CNTNAP2: variants seen among roughly 807,000 people sequenced by gnomAD.
CNTNAP2 encodes the protein contactin-associated protein-like 2.
In CNTNAP2, 98 loss-of-function variants were observed where a neutral mutation model predicts 155.2. That is an observed-to-expected ratio of 0.63 (90% CI 0.54 to 0.75). The LOEUF is 0.75. Among genes scored for constraint, CNTNAP2 ranks in the 30% least tolerant of loss-of-function variants. The pLI is 0.00. For synonymous variants in CNTNAP2, 651 were observed against 631.2 expected, an observed-to-expected ratio of 1.03 and a Z score of -0.47; for missense variants, 1,727 against 1,688.1, an observed-to-expected ratio of 1.02 and a Z score of -0.40.
chr7:148,118,102 TG>T lies in CNTNAP2; in HGVS notation c.2384-15del, dbSNP rs765768845. ...AGGGTGTGAGTTAACCTGATTTTTT[TG>T]TTTTCTTCCCACAGGGAATTATTGG... On this transcript the variant is annotated splice_polypyrimidine_tract_variant and intron_variant, in intron 15 of 23. Transcript: ENST00000361727. The T allele has an allele frequency of 1.1e-5, 17 of 1,613,768 alleles. No homozygotes were observed. Among genetic ancestry groups the T allele is most frequent in the Non-Finnish European group, 8.5e-7 (1 of 1,180,022 alleles).
At chr7:147,118,346 G>A (rs1261059298) in intron 5 of CNTNAP2, among the ~76,000 whole-genome samples, 5 of 152,162 alleles carry the variant, frequency 3.3e-5, no homozygotes, top group African/African-American at 1.2e-4. Flanking sequence ...GTCCAAATAT[G>A]TAATTTGCAA....
At chr7:147,896,455 T>C (rs541485405) in intron 13 of CNTNAP2, among the ~76,000 whole-genome samples, 1 of 152,274 alleles carries the variant, frequency 6.6e-6, no homozygotes, top group South Asian at 2.1e-4. Flanking sequence ...GTTTTATTAT[T>C]ACTCAAATCA....
At chr7:146,498,304 C>G (rs956443760) in intron 1 of CNTNAP2, among the ~76,000 whole-genome samples, 1 of 152,132 alleles carries the variant, frequency 6.6e-6, no homozygotes, top group African/African-American at 2.4e-5. Flanking sequence ...CCTCCTTGGC[C>G]ATCTTCAATT....
intron 8 of CNTNAP2, among the ~76,000 whole-genome samples, chr7:147,294,262 T>C (rs778221753): frequency 2.6e-5 from 4 of 152,254 alleles, no homozygotes; most frequent in Non-Finnish European, 5.9e-5. Context: ...ATAATATTTA[T>C]GTGTTTTTCA....
intron 8 of CNTNAP2, among the ~76,000 whole-genome samples, chr7:147,289,427 T>C (rs879808542): frequency 6.8e-6 from 1 of 146,062 alleles, no homozygotes; most frequent in African/African-American, 2.5e-5. Flanking sequence ...GGAGAGACAA[T>C]TGGGGAGAGT....
chr7:146,857,346 C>T (rs1180714622), intron 3 of CNTNAP2, among the ~76,000 whole-genome samples: 1 of 151,998 alleles, frequency 6.6e-6, no homozygotes, highest in African/African-American at 2.4e-5. Flanking sequence ...GAAATTATTT[C>T]AAAAGAAAAG....
rs976455497 is a variant in CNTNAP2 at position 147,404,011 on chromosome 7, T to G, written c.1670+8231T>G. 1.8e-4 allele frequency among the ~76,000 whole-genome samples: 28 copies of G among 152,198 alleles called. 1 individual carries two copies. Among genetic ancestry groups the G allele is most frequent in the African/African-American group, 6.5e-4 (27 of 41,460 alleles). ...GAAATGTTAATGTCATCATTTAAGCTGGCGTCAAACTGTGCAGGCATTTCT... is the reference window on the plus strand; with the variant it reads ...GAAATGTTAATGTCATCATTTAAGCGGGCGTCAAACTGTGCAGGCATTTCT... On this transcript the variant is annotated intron_variant, in intron 10 of 23. Coordinates refer to ENST00000361727, the MANE Select transcript of CNTNAP2 (RefSeq NM_014141.6).
intron 15 of CNTNAP2, among the ~76,000 whole-genome samples, chr7:148,012,574 TA>T (rs59291404): frequency 6.6e-6 from 1 of 151,138 alleles, no homozygotes; most frequent in South Asian, 2.1e-4. Context: ...TTTACCACAA[TA>T]AAAAAATTGT....
At chr7:147,949,404 CA>C (rs1286296270) in intron 14 of CNTNAP2, among the ~76,000 whole-genome samples, 2 of 145,368 alleles carry the variant, frequency 1.4e-5, no homozygotes, top group African/African-American at 5.0e-5. Flanking sequence ...TGGACTCACA[CA>C]GTTCAAACCT....
At chr7:147,589,636 AC>A (rs1342874176) in intron 12 of CNTNAP2, among the ~76,000 whole-genome samples, 1 of 152,070 alleles carries the variant, frequency 6.6e-6, no homozygotes, top group African/African-American at 2.4e-5. Flanking sequence ...TATTGCCAAG[AC>A]TCATCCATAT....
At chr7:146,677,072 C>T (rs963965053) in intron 1 of CNTNAP2, among the ~76,000 whole-genome samples, 1 of 152,102 alleles carries the variant, frequency 6.6e-6, no homozygotes, top group East Asian at 1.9e-4. Flanking sequence ...TGGGCTACAA[C>T]TTGGTTTTAT....
intron 13 of CNTNAP2, among the ~76,000 whole-genome samples, chr7:147,660,113 T>A (rs1408729503): frequency 6.6e-6 from 1 of 152,158 alleles, no homozygotes; most frequent in African/African-American, 2.4e-5. Flanking sequence ...GTGATGTGAG[T>A]TATGCCATTT....
intron 9 of CNTNAP2, among the ~76,000 whole-genome samples, chr7:147,336,822 C>T (rs896973514): frequency 6.6e-6 from 1 of 152,044 alleles, no homozygotes; most frequent in Admixed American, 6.6e-5. Flanking sequence ...TTTTCATAGC[C>T]ACCTACAATT....
chr7:148,331,354 TGGATGGAGTGGAG>T (rs1199602856), intron 21 of CNTNAP2, among the ~76,000 whole-genome samples: 7,184 of 88,258 alleles, frequency 0.081, 587 homozygotes, highest in African/African-American at 0.22. Flanking sequence ...ATGGAATGGA[TGGATGGAGTGGAG>T]GGATGGAGTG....
chr7:146,675,203 T>A (rs10808040), intron 1 of CNTNAP2, among the ~76,000 whole-genome samples: 90,852 of 152,004 alleles, frequency 0.6, 31,207 homozygotes, highest in South Asian at 0.85. Context: ...TAATTAACAT[T>A]TTTGGCTTCT....
chr7:146,252,095 A>T (rs917589526), intron 1 of CNTNAP2, among the ~76,000 whole-genome samples: 11 of 152,216 alleles, frequency 7.2e-5, no homozygotes, highest in African/African-American at 2.7e-4. Flanking sequence ...CGCAGAGGAC[A>T]TACCAGGGGA....
rs1392710933 is a variant in CNTNAP2, at chr7:148,372,436, A to G, written c.3476-11213A>G. On this transcript the variant is annotated intron_variant, in intron 21 of 23. Coordinates refer to ENST00000361727, the MANE Select transcript of CNTNAP2 (RefSeq NM_014141.6). Reference sequence around the variant, plus strand: ...AATAATAAATTAACCAGCTGGGTGCAGTGGTTCATGTCTGTAATCCCAGCA... The same window carrying G: ...AATAATAAATTAACCAGCTGGGTGCGGTGGTTCATGTCTGTAATCCCAGCA... Among the ~76,000 whole-genome samples the G allele has an allele frequency of 3.9e-5, 6 of 151,990 alleles. No homozygotes were observed. The East Asian group carries it at 1.2e-3, about 30-fold the overall frequency.
At chr7:146,796,550 T>G (rs781514498) in intron 2 of CNTNAP2, among the ~76,000 whole-genome samples, 3 of 152,080 alleles carry the variant, frequency 2.0e-5, no homozygotes, top group African/African-American at 7.2e-5. Flanking sequence ...GATCAAGATA[T>G]GAAGATAAAG....
chr7:147,157,356 G>A lies in CNTNAP2; in HGVS notation c.1348+24847G>A, dbSNP rs138986592. 6.6e-3 allele frequency among the ~76,000 whole-genome samples: 1,010 copies of A among 152,220 alleles called. 13 individuals carry two copies. The highest frequency in any genetic ancestry group is 0.023 in the African/African-American group (950 of 41,538). On this transcript the variant is annotated intron_variant, in intron 8 of 23. Transcript: ENST00000361727. ...TTGATGTGAATATTGTATAAGAAGT[G>A]ATCAGGAGGAAGAGGCTACTTAAAA...
Sources: allele counts gnomAD v4.1 joint callset (sites outside exome capture counted in the v4.1 genomes callset), GRCh38; gene constraint gnomAD v4.1.1; transcripts MANE v1.5; gene names NCBI Gene and HGNC (gene_info 2026-07-23, HGNC 2026-07-21).